Variants in LRBA observed in about 807,000 individuals in gnomAD.
LRBA encodes lipopolysaccharide-responsive and beige-like anchor protein.
LRBA carries 176 observed loss-of-function variants against 330.0 expected under a neutral mutation model. The observed-to-expected ratio is 0.53, with a 90% confidence interval of 0.47 to 0.60. The LOEUF (loss-of-function observed/expected upper bound fraction) is 0.60, where lower values mean the gene tolerates loss of function less well. Ranked by LOEUF, LRBA falls within the 20% of genes least tolerant of loss-of-function variation. The probability of loss-of-function intolerance (pLI) is 0.00; values close to 1 mark genes in which losing one functional copy is unlikely to be tolerated. For synonymous variants in LRBA, 1,230 were observed against 1,193.0 expected (o/e 1.03, Z -0.64); for missense variants, 3,259 against 3,444.8 (o/e 0.95, Z 1.35).
chr4:150,789,675 A>T lies in LRBA; in HGVS notation c.5580+8406T>A, dbSNP rs148887623. 6.1e-3 allele frequency among the ~76,000 whole-genome samples: 928 copies of T among 152,310 alleles called. 6 individuals carry two copies. Among genetic ancestry groups the T allele is most frequent in the African/African-American group, 0.021 (881 of 41,554 alleles). Reference sequence around the variant, plus strand: ...CTATATAGTATGAGAATATAGCTAAAACTTCTAAAAGTTATCAGAGAGTTT... The same window carrying T: ...CTATATAGTATGAGAATATAGCTAATACTTCTAAAAGTTATCAGAGAGTTT... On this transcript the variant is annotated intron_variant, in intron 34 of 56. Transcript: ENST00000651943.
chr4:151,012,136 C>T lies in LRBA; in HGVS notation c.216+2291G>A, dbSNP rs373803608. Among the ~76,000 whole-genome samples the T allele has an allele frequency of 3.3e-5, 5 of 152,190 alleles. No individual in the cohort carries two copies. The South Asian group carries it at 8.3e-4, about 25-fold the overall frequency. Reference sequence around the variant, plus strand: ...TGATATTGAAGAGGAGGGTAACTAACTGAACAGACTCTTCTCTCTCCTTCT... The same window carrying T: ...TGATATTGAAGAGGAGGGTAACTAATTGAACAGACTCTTCTCTCTCCTTCT... On this transcript the variant is annotated intron_variant, in intron 2 of 56. Coordinates refer to ENST00000651943, the MANE Select transcript of LRBA (RefSeq NM_001364905.1).
chr4:150,771,209 G>A (rs1355007620), intron 34 of LRBA, among the ~76,000 whole-genome samples: 2 of 152,138 alleles, frequency 1.3e-5, no homozygotes, highest in East Asian at 3.9e-4. Flanking sequence ...ATAACAAGTG[G>A]TAACACTCCC....
intron 8 of LRBA, among the ~76,000 whole-genome samples, chr4:150,915,352 C>T (rs1281249088): frequency 6.6e-6 from 1 of 151,962 alleles, no homozygotes; most frequent in Non-Finnish European, 1.5e-5. Context: ...GATAAATGAA[C>T]CAATGACCCA....
chr4:150,539,880 T>C (rs924557819), intron 40 of LRBA, among the ~76,000 whole-genome samples: 2 of 152,220 alleles, frequency 1.3e-5, no homozygotes, highest in Admixed American at 6.5e-5. Flanking sequence ...TCTAGGAATA[T>C]CTTTTAGAGT....
intron 42 of LRBA, among the ~76,000 whole-genome samples, chr4:150,486,943 C>T (rs563522943): frequency 1.3e-5 from 2 of 151,944 alleles, no homozygotes; most frequent in African/African-American, 4.8e-5. Flanking sequence ...CCAGTTCATC[C>T]ATGTTATTGT....
chr4:150,662,823 C>A (rs941596107), intron 37 of LRBA, among the ~76,000 whole-genome samples: 1 of 151,892 alleles, frequency 6.6e-6, no homozygotes, highest in African/African-American at 2.4e-5. Context: ...AAAAAATTAG[C>A]CATGGGTGGT....
chr4:150,451,187 C>T (rs1753300532), intron 44 of LRBA, among the ~76,000 whole-genome samples: 1 of 152,128 alleles, frequency 6.6e-6, no homozygotes, highest in African/African-American at 2.4e-5. Flanking sequence ...AAGACATGAG[C>T]AACGACATCT....
intron 44 of LRBA, among the ~76,000 whole-genome samples, chr4:150,439,700 T>C (rs140790801): frequency 7.7e-4 from 117 of 152,302 alleles, no homozygotes; most frequent in African/African-American, 2.8e-3. Context: ...CTGCTATAAA[T>C]TAATGGCAGT....
chr4:150,529,256 C>T (rs1285576547), intron 40 of LRBA, among the ~76,000 whole-genome samples: 6 of 152,138 alleles, frequency 3.9e-5, no homozygotes, highest in Admixed American at 6.5e-5. Context: ...CATCTGGAAG[C>T]CACTCTTTAC....
chr4:150,818,901 T>C (rs1164979093), intron 30 of LRBA, among the ~76,000 whole-genome samples: 3 of 152,080 alleles, frequency 2.0e-5, no homozygotes, highest in Non-Finnish European at 2.9e-5. Context: ...ACTCAACAAT[T>C]CCACTTCTAG....
intron 42 of LRBA, among the ~76,000 whole-genome samples, chr4:150,483,570 G>A (rs965871661): frequency 2.0e-5 from 3 of 151,754 alleles, no homozygotes; most frequent in African/African-American, 7.3e-5. Flanking sequence ...CTAGGCTCAA[G>A]TGATTCTCCC....
At position 150,661,326 on chromosome 4, in the gene LRBA, C is replaced by T. The variant is rs183297139; in HGVS notation, c.5921+22225G>A. Among the ~76,000 whole-genome samples, 57 of 151,164 alleles carry T rather than the reference C, an allele frequency of 3.8e-4. No homozygotes were observed. The East Asian group carries it at 9.9e-3, about 26-fold the overall frequency. ...TCTCTACAAAATTGGCCTGGTGTGG[C>T]GGCAGGCACCTATAATCCCAGCTAT... is the stretch of plus-strand genomic sequence containing the variant. On this transcript the variant is annotated intron_variant, in intron 37 of 56. Transcript: ENST00000651943.
chr4:150,949,938 T>C (rs116193824), intron 2 of LRBA, among the ~76,000 whole-genome samples: 162 of 152,214 alleles, frequency 1.1e-3, no homozygotes, highest in African/African-American at 3.7e-3. Context: ...TATATTGATA[T>C]CACACAGAGT....
Position 150,435,578 on chromosome 4 carries a change from C to T in LRBA, c.7041+11G>A, listed in dbSNP as rs958337426. 1 of 1,593,854 alleles carries T rather than the reference C, an allele frequency of 6.3e-7. No individual in the cohort carries two copies. Among genetic ancestry groups the T allele is most frequent in the Non-Finnish European group, 8.5e-7 (1 of 1,174,694 alleles). ...TGGCAATAACAACTATAAAACAAAACATTTCTGTACCTTAATATCAGAGGT... is the reference window on the plus strand; with the variant it reads ...TGGCAATAACAACTATAAAACAAAATATTTCTGTACCTTAATATCAGAGGT... On this transcript the variant is annotated intron_variant, in intron 46 of 56. Coordinates refer to ENST00000651943, the MANE Select transcript of LRBA (RefSeq NM_001364905.1).
At chr4:150,581,544 T>TA (rs1771336345) in intron 40 of LRBA, 3 of 199,100 alleles carry the variant, frequency 1.5e-5, no homozygotes, top group East Asian at 1.4e-4. Context: ...ATAGAATCAT[T>TA]TAAAAAAAAA....
At chr4:150,748,962 G>A (rs4696630) in intron 35 of LRBA, among the ~76,000 whole-genome samples, 146,588 of 152,196 alleles carry the variant, frequency 0.96, 70,873 homozygotes, top group African/African-American at 1. Context: ...ATCACACACT[G>A]AAACCTGCCA....
chr4:150,586,772 CTT>C (rs1472378753), intron 40 of LRBA, among the ~76,000 whole-genome samples: 1 of 152,286 alleles, frequency 6.6e-6, no homozygotes, highest in East Asian at 1.9e-4. Context: ...TAATTAGACA[CTT>C]TTAAATTAAA....
chr4:150,980,868 A>C lies in LRBA; in HGVS notation c.216+33559T>G, dbSNP rs916112159. On this transcript the variant is annotated intron_variant, in intron 2 of 56. Coordinates refer to ENST00000651943, the MANE Select transcript of LRBA (RefSeq NM_001364905.1). Reference sequence around the variant, plus strand: ...AACAATCTGAACATGAAATGAAAAAAAGTAATCCTATTTAAAATAGCTACA... The same window carrying C: ...AACAATCTGAACATGAAATGAAAAACAGTAATCCTATTTAAAATAGCTACA... Among the ~76,000 whole-genome samples the C allele has an allele frequency of 1.4e-4, 21 of 152,296 alleles. No homozygotes were observed. The East Asian group carries it at 2.3e-3, about 17-fold the overall frequency.
intron 40 of LRBA, among the ~76,000 whole-genome samples, chr4:150,571,654 T>TTTG (rs1561369306): frequency 7.1e-6 from 1 of 141,662 alleles, no homozygotes; most frequent in Non-Finnish European, 1.5e-5. Context: ...TAGTTGTTTT[T>TTTG]TTTTTTTTTT....
Sources: allele counts gnomAD v4.1 joint callset (sites outside exome capture counted in the v4.1 genomes callset), GRCh38; gene constraint gnomAD v4.1.1; transcripts MANE v1.5; gene names NCBI Gene and HGNC (gene_info 2026-07-23, HGNC 2026-07-21).